ELP4: variants seen among roughly 807,000 people sequenced by gnomAD.
ELP4 encodes the protein elongator acetyltransferase complex subunit 4, also known as elongator complex protein 4.
ELP4 carries 51 observed loss-of-function variants against 48.9 expected under a neutral mutation model. The observed-to-expected ratio is 1.04, with a 90% CI of 0.83 to 1.32. The LOEUF (loss-of-function observed/expected upper bound fraction) is 1.32. ELP4 is among the 40% of genes most tolerant of loss of function. The pLI is 0.00. For synonymous variants in ELP4, 210 were observed against 189.2 expected, an observed-to-expected ratio of 1.11 and a Z score of -0.90; for missense variants, 519 against 514.6, an observed-to-expected ratio of 1.01 and a Z score of -0.08.
Position 31,509,979 on chromosome 11 carries a change from C to T in ELP4, c.195C>T (p.Thr65=). The T allele has an allele frequency of 6.2e-7, 1 of 1,612,412 alleles. No individual in the cohort carries two copies. Among genetic ancestry groups the T allele is most frequent in the East Asian group, 2.2e-5 (1 of 44,860 alleles). Residue 65 remains threonine (T), a synonymous_variant, in exon 1 of 10, where the codon ACC becomes ACT. Coordinates refer to ENST00000640961, the MANE Select transcript of ELP4 (RefSeq NM_019040.5). ...GGAATGGACAGCTGCTGGTATCAAC[C>T]GGGCTCCCAGCCCTAGACCAGCTCT... ...SVRNGQLLVS[T]GLPALDQLLG...
intron 7 of ELP4, among the ~76,000 whole-genome samples, chr11:31,644,236 A>G (rs530842396): frequency 9.2e-5 from 14 of 152,008 alleles, no homozygotes; most frequent in African/African-American, 3.1e-4. Flanking sequence ...TAACATACAT[A>G]CACCATAAGC....
chr11:31,779,861 C>CAGCT (rs1200539322), intron 9 of ELP4: 2 of 152,184 alleles, frequency 1.3e-5, no homozygotes, highest in Admixed American at 1.3e-4. Context: ...GCCAGCCAGC[C>CAGCT]AGCTATCCAT....
At chr11:31,625,298 G>C (rs1944717590) in intron 5 of ELP4, among the ~76,000 whole-genome samples, 1 of 151,694 alleles carries the variant, frequency 6.6e-6, no homozygotes, top group African/African-American at 2.4e-5. Context: ...TCCCTATGCA[G>C]TGCATGACTG....
At chr11:31,708,378 A>G (rs143349434) in intron 9 of ELP4, among the ~76,000 whole-genome samples, 220 of 152,308 alleles carry the variant, frequency 1.4e-3, no homozygotes, top group African/African-American at 4.8e-3. Context: ...TATAGCATCC[A>G]AGACATAATT....
chr11:31,593,266 T>C (rs925592075), intron 3 of ELP4, among the ~76,000 whole-genome samples: 2 of 151,482 alleles, frequency 1.3e-5, no homozygotes, highest in Admixed American at 6.6e-5. Context: ...GTTGTTGTTG[T>C]TGTTAAGACA....
intron 9 of ELP4, chr11:31,767,398 A>AAG (rs1024513375): frequency 6.6e-6 from 1 of 151,830 alleles, no homozygotes; most frequent in Non-Finnish European, 1.5e-5. Context: ...AAAAAAAAAA[A>AAG]AAAAATTAGC....
chr11:31,587,453 A>G (rs1957494971), intron 3 of ELP4, among the ~76,000 whole-genome samples: 1 of 152,168 alleles, frequency 6.6e-6, no homozygotes. Context: ...AGAGAAATTG[A>G]TTTTGTTGCA....
chr11:31,523,420 A>G (rs1052388586), intron 2 of ELP4, among the ~76,000 whole-genome samples: 3 of 152,036 alleles, frequency 2.0e-5, no homozygotes, highest in African/African-American at 7.2e-5. Context: ...CTTTTTAACC[A>G]TTTTCTCGTG....
chr11:31,716,863 C>G (rs1464044311), intron 9 of ELP4, among the ~76,000 whole-genome samples: 1 of 152,000 alleles, frequency 6.6e-6, no homozygotes, highest in Admixed American at 6.6e-5. Context: ...AAATTGATGC[C>G]AAGTGCAGTA....
intron 9 of ELP4, among the ~76,000 whole-genome samples, chr11:31,735,707 A>G (rs1250945310): frequency 6.6e-6 from 1 of 152,202 alleles, no homozygotes; most frequent in Non-Finnish European, 1.5e-5. Flanking sequence ...CCAAATCATG[A>G]GTGAACTCCC....
chr11:31,609,331 A>G (rs1214154030), intron 5 of ELP4, among the ~76,000 whole-genome samples: 1 of 152,004 alleles, frequency 6.6e-6, no homozygotes, highest in Admixed American at 6.5e-5. Context: ...AGCCAGGTTG[A>G]GAAGGTCTTG....
At chr11:31,666,057 G>A (rs1446090319) in intron 9 of ELP4, among the ~76,000 whole-genome samples, 1 of 122,194 alleles carries the variant, frequency 8.2e-6, no homozygotes, top group Non-Finnish European at 1.6e-5. Context: ...CCCCCAGGCT[G>A]GAGTACAGTG....
chr11:31,554,411 T>C (rs1956898288), intron 3 of ELP4, among the ~76,000 whole-genome samples: 1 of 151,866 alleles, frequency 6.6e-6, no homozygotes, highest in Admixed American at 6.6e-5. Context: ...CCCAGCTTTA[T>C]TGAGATGTAA....
intron 9 of ELP4, among the ~76,000 whole-genome samples, chr11:31,771,809 A>G (rs545627915): frequency 2.0e-5 from 3 of 152,132 alleles, no homozygotes; most frequent in Non-Finnish European, 2.9e-5. Context: ...GAAACCCTGT[A>G]TCTACTAAAG....
At chr11:31,736,576 A>T (rs1032595080) in intron 9 of ELP4, among the ~76,000 whole-genome samples, 12 of 152,342 alleles carry the variant, frequency 7.9e-5, no homozygotes, top group Middle Eastern at 6.8e-3. Flanking sequence ...CAACCTACTC[A>T]TCTGACAAAG....
At chr11:31,546,599 A>G (rs974861991) in intron 3 of ELP4, among the ~76,000 whole-genome samples, 10 of 152,148 alleles carry the variant, frequency 6.6e-5, no homozygotes, top group African/African-American at 2.4e-4. Flanking sequence ...CAACAAAGAT[A>G]CCCAGGAATT....
intron 9 of ELP4, among the ~76,000 whole-genome samples, chr11:31,701,435 A>G (rs1946519526): frequency 6.6e-6 from 1 of 152,018 alleles, no homozygotes; most frequent in African/African-American, 2.4e-5. Flanking sequence ...ACACCTACAT[A>G]TTTAAAATAA....
At chr11:31,663,607 C>G (rs1187635191) in intron 9 of ELP4, 1 of 151,968 alleles carries the variant, frequency 6.6e-6, no homozygotes, top group African/African-American at 2.4e-5. Flanking sequence ...ATTAGCCACA[C>G]TATCCAGTGT....
At chr11:31,617,959 C>T (rs1277378665) in intron 5 of ELP4, among the ~76,000 whole-genome samples, 2 of 151,998 alleles carry the variant, frequency 1.3e-5, no homozygotes, top group African/African-American at 4.8e-5. Context: ...AATTCTACTC[C>T]TAGGTATATC....
Sources: allele counts gnomAD v4.1 joint callset (sites outside exome capture counted in the v4.1 genomes callset), GRCh38; gene constraint gnomAD v4.1.1; transcripts MANE v1.5; gene names NCBI Gene and HGNC (gene_info 2026-07-23, HGNC 2026-07-21).